Variants in MCC observed in about 807,000 individuals in gnomAD.
MCC encodes MCC regulator of Wnt signaling pathway, also known as colorectal mutant cancer protein.
In MCC, 90 loss-of-function variants were observed where a neutral mutation model predicts 116.2. The observed-to-expected ratio is 0.77, with a 90% CI of 0.65 to 0.92. MCC has a LOEUF of 0.92. Among genes scored for constraint, MCC ranks in the 40% least tolerant of loss-of-function variants. MCC has a pLI of 0.00. For missense variants in MCC, 1,516 were observed against 1,312.2 expected (o/e 1.16, Z -2.40); for synonymous variants, 578 against 510.5 (o/e 1.13, Z -1.78).
chr5:113,405,618 C>T (rs1190394233), intron 1 of MCC, among the ~76,000 whole-genome samples: 6 of 151,740 alleles, frequency 4.0e-5, no homozygotes, highest in Non-Finnish European at 5.9e-5. Flanking sequence ...GGGAGACATC[C>T]GCCCCCCAAC....
At chr5:113,428,178 T>C (rs1770532024) in intron 1 of MCC, among the ~76,000 whole-genome samples, 1 of 152,136 alleles carries the variant, frequency 6.6e-6, no homozygotes, top group Non-Finnish European at 1.5e-5. Context: ...CTCCTACATA[T>C]AAAATCTTCA....
chr5:113,291,530 T>TGGC (rs1239877830), intron 3 of MCC, among the ~76,000 whole-genome samples: 2 of 152,170 alleles, frequency 1.3e-5, no homozygotes, highest in African/African-American at 4.8e-5. Context: ...CCCAGGATAA[T>TGGC]GGCAGGTATT....
intron 17 of MCC, among the ~76,000 whole-genome samples, chr5:113,042,580 A>G (rs1751789221): frequency 1.3e-5 from 2 of 151,984 alleles, no homozygotes; most frequent in South Asian, 2.1e-4. Flanking sequence ...ATAACTCAAC[A>G]TATAGGTCAA....
intron 1 of MCC, among the ~76,000 whole-genome samples, chr5:113,387,874 T>C (rs1398593547): frequency 6.6e-6 from 1 of 152,218 alleles, no homozygotes; most frequent in African/African-American, 2.4e-5. Flanking sequence ...TTGTTGATCA[T>C]AGATCTTTCA....
At chr5:113,057,034 T>G (rs560410769) in intron 14 of MCC, among the ~76,000 whole-genome samples, 41 of 152,144 alleles carry the variant, frequency 2.7e-4, no homozygotes, top group African/African-American at 8.4e-4. Flanking sequence ...AGGGTGGACC[T>G]AAGGGAGGCG....
intron 3 of MCC, among the ~76,000 whole-genome samples, chr5:113,258,345 G>A (rs543051810): frequency 6.6e-6 from 1 of 152,318 alleles, no homozygotes; most frequent in Admixed American, 6.5e-5. Flanking sequence ...TTATAACAGG[G>A]GGTCCCCAAC....
intron 3 of MCC, among the ~76,000 whole-genome samples, chr5:113,304,456 A>G (rs1405310694): frequency 6.6e-6 from 1 of 152,158 alleles, no homozygotes; most frequent in Admixed American, 6.5e-5. Context: ...ACTGCTTCAC[A>G]CCCAGCCTAG....
chr5:113,096,260 G>T (rs1341512966), intron 8 of MCC, among the ~76,000 whole-genome samples: 1 of 152,228 alleles, frequency 6.6e-6, no homozygotes, highest in African/African-American at 2.4e-5. Flanking sequence ...CTTGGCCCAT[G>T]TCCAGTGGGT....
At chr5:113,487,563 G>A (rs1474693530) in intron 1 of MCC, among the ~76,000 whole-genome samples, 1 of 152,262 alleles carries the variant, frequency 6.6e-6, no homozygotes, top group African/African-American at 2.4e-5. Context: ...GTGGAGGCGC[G>A]GAGGCGCCCG....
chr5:113,290,663 A>C (rs1192893852), intron 3 of MCC, among the ~76,000 whole-genome samples: 8 of 152,350 alleles, frequency 5.3e-5, no homozygotes, highest in African/African-American at 1.9e-4. Context: ...AACCAAGACC[A>C]ATAGAGCTAA....
chr5:113,178,209 T>TA (rs1465352043), intron 3 of MCC, among the ~76,000 whole-genome samples: 1 of 152,226 alleles, frequency 6.6e-6, no homozygotes, highest in African/African-American at 2.4e-5. Flanking sequence ...TCTTGTCACT[T>TA]AGACAGTTAA....
At chr5:113,149,569 G>T (rs1487132267) in intron 4 of MCC, among the ~76,000 whole-genome samples, 2 of 151,984 alleles carry the variant, frequency 1.3e-5, no homozygotes, top group Non-Finnish European at 2.9e-5. Context: ...TAAATACAGA[G>T]AATCCTTTCC....
At chr5:113,073,539 G>A (rs1036738432) in intron 11 of MCC, among the ~76,000 whole-genome samples, 3 of 152,104 alleles carry the variant, frequency 2.0e-5, no homozygotes, top group Admixed American at 6.5e-5. Flanking sequence ...CTGCCACCTC[G>A]TCTCATGTAG....
At chr5:113,152,096 T>A (rs1014868754) in intron 3 of MCC, among the ~76,000 whole-genome samples, 2 of 152,190 alleles carry the variant, frequency 1.3e-5, no homozygotes, top group Admixed American at 6.5e-5. Flanking sequence ...AATGACGCTG[T>A]GAAAAGACAA....
chr5:113,082,855 C>T lies in MCC; in HGVS notation c.1784+5G>A, dbSNP rs1754952590. 1 of 1,613,640 alleles carries T rather than the reference C, an allele frequency of 6.2e-7. No individual in the cohort carries two copies. The highest frequency in any genetic ancestry group is 1.1e-5 in the South Asian group (1 of 90,956). The stretch of plus-strand genomic sequence containing the variant: ...CACAATCAAATCGATACGATCTCTC[C>T]TCACCTATTCAGCCGTTCTGTTTCC... On this transcript the variant is annotated splice_donor_5th_base_variant and intron_variant, in intron 11 of 18. Transcript: ENST00000408903.
At chr5:113,339,148 C>A (rs1249929799) in intron 3 of MCC, among the ~76,000 whole-genome samples, 4 of 151,488 alleles carry the variant, frequency 2.6e-5, no homozygotes, top group African/African-American at 9.7e-5. Context: ...ATTGCTTGAA[C>A]CTGGAAGGCG....
rs745492120 is a variant in MCC at position 113,029,028 on chromosome 5, C to T, written c.2785G>A (p.Glu929Lys). 4 of 1,613,428 alleles carry T rather than the reference C, an allele frequency of 2.5e-6. No homozygotes were observed. The South Asian group carries it at 4.4e-5, about 18-fold the overall frequency. ...AGTCTCTCCAAGGCACTCACCAGCT[C>T]TTGAACTCTGGCCTTCAACTTCTTT... ...REKKLKARVQ[E>K]LVSALERLTK... The change falls in exon 18 of 19, where the codon GAG (glutamate) becomes AAG (lysine). Residue 929 changes from glutamate to lysine, a missense_variant. Glu to Lys is a moderately conservative substitution (Grantham distance 56). Transcript: ENST00000408903.
At chr5:113,311,274 CTG>C (rs1476491242) in intron 3 of MCC, among the ~76,000 whole-genome samples, 1 of 152,244 alleles carries the variant, frequency 6.6e-6, no homozygotes, top group Non-Finnish European at 1.5e-5. Flanking sequence ...CACTCTGACT[CTG>C]GACTTGTCCA....
chr5:113,468,650 G>T (rs1436256076), intron 1 of MCC, among the ~76,000 whole-genome samples: 1 of 151,772 alleles, frequency 6.6e-6, no homozygotes, highest in Admixed American at 6.6e-5. Context: ...TCTCTTTTTT[G>T]GTTGTGTCTC....
Sources: allele counts gnomAD v4.1 joint callset (sites outside exome capture counted in the v4.1 genomes callset), GRCh38; gene constraint gnomAD v4.1.1; transcripts MANE v1.5; gene names NCBI Gene and HGNC (gene_info 2026-07-23, HGNC 2026-07-21).